ZC3H12B: variants seen among roughly 807,000 people sequenced by gnomAD.
ZC3H12B encodes zinc finger CCCH-type containing 12B.
ZC3H12B carries 7 observed loss-of-function variants against 43.9 expected under a neutral mutation model. The ratio of observed to expected loss-of-function variants is 0.16; its 90% CI spans 0.09 to 0.30. The LOEUF (loss-of-function observed/expected upper bound fraction) is 0.30, where lower values mean the gene tolerates loss of function less well. Among genes scored for constraint, ZC3H12B ranks in the 10% least tolerant of loss-of-function variants. ZC3H12B has a pLI of 1.00. For synonymous variants in ZC3H12B, 222 were observed against 241.7 expected (o/e 0.92, Z 0.76); for missense variants, 475 against 670.2 (o/e 0.71, Z 3.22).
At chrX:65,239,189 A>G in the ZC3H12B span, among the ~76,000 whole-genome samples, 1 of 110,917 alleles carries the variant, frequency 9.0e-6, no homozygotes. Context: ...GTCTCTCATT[A>G]TTATTGTGTG....
chrX:65,047,728 C>T, the ZC3H12B span, among the ~76,000 whole-genome samples: 2 of 110,215 alleles, frequency 1.8e-5, no homozygotes, highest in Admixed American at 1.9e-4. Flanking sequence ...TATATTTTTC[C>T]ATCCATTTTC....
At chrX:65,438,809 T>A (rs1391827007) in intron 3 of ZC3H12B, among the ~76,000 whole-genome samples, 1 of 113,192 alleles carries the variant, frequency 8.8e-6, no homozygotes, top group African/African-American at 3.2e-5. Context: ...CTTGCCCTCA[T>A]CCCCATAAAC....
chrX:65,206,601 G>A, the ZC3H12B span, among the ~76,000 whole-genome samples: 1 of 110,505 alleles, frequency 9.0e-6, no homozygotes, highest in Non-Finnish European at 1.9e-5. Context: ...CATTGGCTTA[G>A]GCAAAGACTT....
At chrX:65,157,975 A>G in the ZC3H12B span, among the ~76,000 whole-genome samples, 1 of 86,910 alleles carries the variant, frequency 1.2e-5, no homozygotes, top group Admixed American at 1.6e-4. Context: ...TCCTGTGGCC[A>G]TGTGTTCTCA....
chrX:65,464,342 C>T (rs1448798344), intron 3 of ZC3H12B, among the ~76,000 whole-genome samples: 1 of 111,137 alleles, frequency 9.0e-6, no homozygotes, highest in Admixed American at 9.6e-5. Flanking sequence ...TTCCTGAGTC[C>T]GTTTTAGTAT....
chrX:65,044,754 G>T, the ZC3H12B span, among the ~76,000 whole-genome samples: 1 of 110,946 alleles, frequency 9.0e-6, no homozygotes, highest in Non-Finnish European at 1.9e-5. Flanking sequence ...GATATTGCAG[G>T]TTCAGTTTCA....
At chrX:65,370,092 GA>G (rs892664566) in intron 2 of ZC3H12B, among the ~76,000 whole-genome samples, 3 of 111,412 alleles carry the variant, frequency 2.7e-5, no homozygotes, top group Non-Finnish European at 5.7e-5. Flanking sequence ...TATTGAAAAA[GA>G]AAAAGAAGAG....
At chrX:65,264,046 T>C in the ZC3H12B span, among the ~76,000 whole-genome samples, 1 of 111,450 alleles carries the variant, frequency 9.0e-6, no homozygotes, top group Non-Finnish European at 1.9e-5. Context: ...TTATTCTAAG[T>C]GAAGTAACTC....
the ZC3H12B span, among the ~76,000 whole-genome samples, chrX:65,231,009 C>A: frequency 9.0e-6 from 1 of 111,672 alleles, no homozygotes; most frequent in Non-Finnish European, 1.9e-5. Flanking sequence ...ATTGGGGGAA[C>A]CAGCCCCCAG....
At chrX:65,326,577 A>G in the ZC3H12B span, among the ~76,000 whole-genome samples, 1 of 109,983 alleles carries the variant, frequency 9.1e-6, no homozygotes, top group African/African-American at 3.3e-5. Flanking sequence ...GAAAAAAAAA[A>G]GACCTAGTGT....
chrX:65,221,569 G>A, the ZC3H12B span, among the ~76,000 whole-genome samples: 4 of 111,074 alleles, frequency 3.6e-5, no homozygotes, highest in African/African-American at 1.3e-4. Flanking sequence ...ACACCTTTAT[G>A]CACACAAACT....
At chrX:65,232,400 T>C in the ZC3H12B span, among the ~76,000 whole-genome samples, 2 of 111,349 alleles carry the variant, frequency 1.8e-5, no homozygotes, top group African/African-American at 6.5e-5. Context: ...TCCCGCAACA[T>C]GCAATATAAA....
chrX:65,465,861 A>G (rs1385200222), intron 3 of ZC3H12B, among the ~76,000 whole-genome samples: 1 of 110,066 alleles, frequency 9.1e-6, no homozygotes, highest in Admixed American at 9.8e-5. Context: ...AGTTATATAC[A>G]TTTAAGGCAT....
chrX:65,172,836 T>C, the ZC3H12B span, among the ~76,000 whole-genome samples: 1 of 112,231 alleles, frequency 8.9e-6, no homozygotes, highest in Non-Finnish European at 1.9e-5. Flanking sequence ...AGCCTTGTAG[T>C]ATACTTTAAA....
chrX:65,380,118 T>A, intron 2 of ZC3H12B, among the ~76,000 whole-genome samples: 1 of 111,335 alleles, frequency 9.0e-6, no homozygotes, highest in African/African-American at 3.3e-5. Context: ...GCCACAAAGA[T>A]ACTCCTTGAG....
At chrX:65,129,955 T>G in the ZC3H12B span, among the ~76,000 whole-genome samples, 1 of 111,182 alleles carries the variant, frequency 9.0e-6, no homozygotes. Context: ...TGGTTTTGTA[T>G]GAATTGAGAA....
the ZC3H12B span, among the ~76,000 whole-genome samples, chrX:65,152,663 G>A: frequency 9.0e-6 from 1 of 111,076 alleles, no homozygotes; most frequent in Non-Finnish European, 1.9e-5. Context: ...TACCGCTCAA[G>A]GTAATTTATA....
At chrX:65,259,136 G>T in the ZC3H12B span, among the ~76,000 whole-genome samples, 1 of 111,739 alleles carries the variant, frequency 8.9e-6, no homozygotes. Flanking sequence ...ACAAAACTGT[G>T]GGCATCACAG....
chrX:65,455,241 C>T (rs978608309), intron 3 of ZC3H12B, among the ~76,000 whole-genome samples: 108 of 111,655 alleles, frequency 9.7e-4, no homozygotes, highest in Non-Finnish European at 1.8e-3. Flanking sequence ...AAAGATTAGA[C>T]GAATGGCTAA....
Sources: gnomAD v4.1 joint callset for allele counts (sites outside exome capture counted in the v4.1 genomes callset) on GRCh38, gnomAD v4.1.1 for gene constraint, MANE v1.5 for transcripts, NCBI Gene and HGNC (gene_info 2026-07-23, HGNC 2026-07-21) for gene names.